Variants in ATP13A1 observed in about 807,000 individuals in gnomAD.
The protein encoded by ATP13A1 is ATPase 13A1.
In ATP13A1, 55 loss-of-function variants were observed where a neutral mutation model predicts 134.8. The ratio of observed to expected loss-of-function variants is 0.41; its 90% CI spans 0.33 to 0.51. The LOEUF is 0.51. Among genes scored for constraint, ATP13A1 ranks in the 20% least tolerant of loss-of-function variants. The pLI, the probability that ATP13A1 is intolerant of heterozygous loss-of-function variation, is 0.29. For missense variants in ATP13A1, 1,389 were observed against 1,652.8 expected (o/e 0.84, Z 2.77); for synonymous variants, 775 against 725.1 (o/e 1.07, Z -1.10).
At chr19:19,649,381 GCT>G (rs768285270) in intron 19 of ATP13A1, among the ~76,000 whole-genome samples, 184 bp downstream of exon 19, 18 of 152,154 alleles carry the variant, frequency 1.2e-4, no homozygotes, top group Non-Finnish European at 2.1e-4. Context: ...CCTCCGCCCT[GCT>G]CTGTTCCTGG....
chr19:19,647,544 C>T lies in ATP13A1; in HGVS notation c.2794-16G>A. 1 of 1,612,140 alleles carries T rather than the reference C, an allele frequency of 6.2e-7. No individual in the cohort carries two copies. The highest frequency in any genetic ancestry group is 8.5e-7 in the Non-Finnish European group (1 of 1,178,968). ...TCAGGCGGTCCTGCAGGGTAGACAG[C>T]AGGCTGTCAGCCCTGGCCAGGATGG... On this transcript the variant is annotated splice_polypyrimidine_tract_variant and intron_variant, in intron 20 of 25. Coordinates refer to ENST00000357324, the MANE Select transcript of ATP13A1 (RefSeq NM_020410.3). This position sits in a 1 kb window ranked among gnomAD's most constrained non-coding sequence, Gnocchi z 4.8.
chr19:19,652,770 A>T (rs774619676), intron 15 of ATP13A1, 50 bp from the exon 16 acceptor site: 7 of 1,558,364 alleles, frequency 4.5e-6, no homozygotes, highest in Non-Finnish European at 6.1e-6. Flanking sequence ...CTCTGCCCAC[A>T]CTCTGCATTT....
chr19:19,662,979 C>G, intron 1 of ATP13A1: 1 of 565,354 alleles, frequency 1.8e-6, no homozygotes, highest in East Asian at 3.3e-5. Context: ...CTGACCTGGG[C>G]GACGTATGCT....
At position 19,654,402 on chromosome 19, in the gene ATP13A1, G is replaced by A. The variant is rs1224001629; in HGVS notation, c.1813+141C>T. On this transcript the variant is annotated intron_variant, in intron 13 of 25. Transcript: ENST00000357324. ...GTGGCCTATCCTGGGTCTAAAGTGA[G>A]CCTCTGGCCACCCACCTCGGGGAGC... The A allele has an allele frequency of 3.5e-6, 4 of 1,153,628 alleles. No individual in the cohort carries two copies. In the African/African-American group the frequency reaches 6.3e-5, roughly 18 times the overall value. The allele number at this position is 1,153,628 out of a possible 1,614,324, so 71.5% of individuals were successfully genotyped here.
intron 1 of ATP13A1, chr19:19,662,214 T>G (rs2062099317): frequency 6.5e-7 from 1 of 1,528,608 alleles, no homozygotes; most frequent in Non-Finnish European, 8.8e-7. Flanking sequence ...CTCCTTTATT[T>G]TGTCCCTCAT....
At position 19,647,183 on chromosome 19, in the gene ATP13A1, G is replaced by A. The variant is rs766319969; in HGVS notation, c.3051C>T (p.Ala1017=). The part of the protein sequence containing the change: ...LEGVKFSDFQ[A]TLQGLLLAGC... ...CGGCCAGCAGCAGCCCCTGTAGGGT[G>A]GCCTGGAAGTCACTGAACTTGACTC... The change falls in exon 22 of 26, where the codon GCC becomes GCT. Residue 1017 remains alanine (A), a synonymous_variant. Transcript: ENST00000357324. The surrounding 1 kb of genome is among the most constrained non-coding windows in gnomAD (Gnocchi z 4.8). The A allele has an allele frequency of 7.4e-6, 12 of 1,613,758 alleles. No individual in the cohort carries two copies. In the South Asian group the frequency reaches 1.3e-4, roughly 18 times the overall value.
chr19:19,655,030 C>A lies in ATP13A1; in HGVS notation c.1655+89G>T. 6.4e-7 allele frequency: 1 copy of A among 1,553,042 alleles called. No individual in the cohort carries two copies. Among genetic ancestry groups the A allele is most frequent in the Non-Finnish European group, 8.7e-7 (1 of 1,151,686 alleles). On this transcript the variant is annotated intron_variant, in intron 12 of 25. Transcript: ENST00000357324. The surrounding 1 kb of genome is among the most constrained non-coding windows in gnomAD (Gnocchi z 5.7). The stretch of plus-strand genomic sequence containing the variant: ...CAGGGCCTCTGACGGGCCCTCACTG[C>A]AAGGGCTTGGGGTGGATGGGCCACC...
Position 19,655,682 on chromosome 19 carries a change from G to T in ATP13A1, c.1270-28C>A, listed in dbSNP as rs1470426387. Reference sequence around the variant, plus strand: ...GGAGGAATGGAGGAACAGCCTTTCTGCTGTCTGGACTCCCTCCAGCAGCTC... The same window carrying T: ...GGAGGAATGGAGGAACAGCCTTTCTTCTGTCTGGACTCCCTCCAGCAGCTC... On this transcript the variant is annotated intron_variant, in intron 9 of 25. Coordinates refer to ENST00000357324, the MANE Select transcript of ATP13A1 (RefSeq NM_020410.3). The surrounding 1 kb of genome is among the most constrained non-coding windows in gnomAD (Gnocchi z 5.7). 6.2e-7 allele frequency: 1 copy of T among 1,605,110 alleles called. No individual in the cohort carries two copies. The highest frequency in any genetic ancestry group is 8.5e-7 in the Non-Finnish European group (1 of 1,176,014).
At chr19:19,661,128 A>G (rs557196773) in intron 1 of ATP13A1, among the ~76,000 whole-genome samples, 1 of 152,242 alleles carries the variant, frequency 6.6e-6, no homozygotes, top group East Asian at 1.9e-4. Flanking sequence ...CAAAACAAAA[A>G]CAAAAACAAC....
rs185315737 is a variant in ATP13A1, at chr19:19,646,929, C to T, written c.3105+200G>A. On this transcript the variant is annotated intron_variant, in intron 22 of 25. Coordinates refer to ENST00000357324, the MANE Select transcript of ATP13A1 (RefSeq NM_020410.3). ...ACCCCTACCTGTGGACAGGTGTGGACGCCAAGCTGTACCACCTGGAGGGGT... is the reference window on the plus strand; with the variant it reads ...ACCCCTACCTGTGGACAGGTGTGGATGCCAAGCTGTACCACCTGGAGGGGT... The T allele has an allele frequency of 4.9e-5, 30 of 612,808 alleles. 1 individual carries two copies. The highest frequency in any genetic ancestry group is 1.9e-4 in the South Asian group (9 of 48,444). The allele number at this position is 612,808 out of a possible 1,614,324, so 38.0% of individuals were successfully genotyped here.
chr19:19,650,276 C>G (rs1568426386), intron 17 of ATP13A1: 1 of 379,902 alleles, frequency 2.6e-6, no homozygotes, highest in Admixed American at 4.3e-5. Flanking sequence ...CTATTGCGCT[C>G]TCCTTGGGAA....
chr19:19,663,328 G>C lies in ATP13A1; in HGVS notation c.339C>G (p.Leu113=). 6.3e-7 allele frequency: 1 copy of C among 1,592,210 alleles called. No individual in the cohort carries two copies. The highest frequency in any genetic ancestry group is 8.5e-7 in the Non-Finnish European group (1 of 1,170,578). ...VLATICLAHA[L]TVLSGHWSVH... is the part of the protein sequence containing the mutation. ...CAGACCAATGCCCCGAGAGGACAGT[G>C]AGCGCGTGCGCGAGGCAGATGGTGG... The change falls in exon 1 of 26, where the codon CTC becomes CTG. Residue 113 remains leucine (L), a synonymous_variant. Coordinates refer to ENST00000357324, the MANE Select transcript of ATP13A1 (RefSeq NM_020410.3).
intron 13 of ATP13A1, 140 bp from the exon 14 acceptor site, chr19:19,654,284 G>C (rs2062043257): frequency 1.9e-6 from 2 of 1,060,328 alleles, no homozygotes; most frequent in Admixed American, 2.7e-5. Flanking sequence ...GCAGGTGTTG[G>C]TCCAGAGCTG....
rs1239211192 is a variant in ATP13A1, at chr19:19,663,265, A to C, written c.396+6T>G. 6.3e-7 allele frequency: 1 copy of C among 1,575,030 alleles called. No individual in the cohort carries two copies. Among genetic ancestry groups the C allele is most frequent in the Non-Finnish European group, 8.6e-7 (1 of 1,161,988 alleles). ...CTGGGGGTCGGGCTCGCGTGTACAC[A>C]CTTACCGGGGTGCAGGTGAGCGCGC... is the stretch of plus-strand genomic sequence containing the variant. On this transcript the variant is annotated splice_donor_region_variant and intron_variant, in intron 1 of 25. Transcript: ENST00000357324.
In ATP13A1 at chr19:19,651,735, G is replaced by C; in HGVS notation, c.2289C>G (p.Phe763Leu). The stretch of plus-strand genomic sequence containing the variant: ...GGATCAGCGTGTGGGCCTTTTCAAT[G>C]AAGTGCAGCTCCTGGGCCACGTGGC... ...TACHVAQELH[F>L]IEKAHTLILQ... Residue 763 changes from phenylalanine to leucine, a missense_variant, in exon 17 of 26, where the codon TTC (phenylalanine) becomes TTG (leucine). This residue lies in a region of ATP13A1 where 747 missense variants were observed against 956.1 expected (regional missense o/e 0.78). Transcript: ENST00000357324. 6.2e-7 allele frequency: 1 copy of C among 1,613,478 alleles called. No individual in the cohort carries two copies. The highest frequency in any genetic ancestry group is 8.5e-7 in the Non-Finnish European group (1 of 1,179,676).
At position 19,654,126 on chromosome 19, in the gene ATP13A1, C is replaced by A. The variant is rs868244680; in HGVS notation, c.1832G>T (p.Arg611Leu). The change falls in exon 14 of 26, where the codon CGA becomes CTA. Residue 611 changes from arginine (R) to leucine (L), a missense_variant. Physicochemically the swap from Arg to Leu is moderately radical, Grantham distance 102 (BLOSUM62 -2). Coordinates refer to ENST00000357324, the MANE Select transcript of ATP13A1 (RefSeq NM_020410.3). ...TTTCAGCCCCTGAGTTTTAATACTTCGGGGGAATACTTTCTCATCTGGAAA... is the reference window on the plus strand; with the variant it reads ...TTTCAGCCCCTGAGTTTTAATACTTAGGGGGAATACTTTCTCATCTGGAAA... ...TLTKDEKVFPRSIKTQGLKIH... is the reference protein window; with the variant it reads ...TLTKDEKVFPLSIKTQGLKIH... 6.3e-7 allele frequency: 1 copy of A among 1,588,422 alleles called. No homozygotes were observed. The highest frequency in any genetic ancestry group is 8.6e-7 in the Non-Finnish European group (1 of 1,167,498).
chr19:19,659,981 C>G lies in ATP13A1; in HGVS notation c.403G>C (p.Asp135His), dbSNP rs200481862. The change falls in exon 2 of 26, where the codon GAC (aspartate) becomes CAC (histidine). Residue 135 changes from aspartate to histidine, a missense_variant. By Grantham distance (81) the Asp-to-His change is moderately conservative (BLOSUM62 -1). This residue lies in a region of ATP13A1 where 293 missense variants were observed against 270.8 expected (regional missense o/e 1.08). Coordinates refer to ENST00000357324, the MANE Select transcript of ATP13A1 (RefSeq NM_020410.3). ...HCALTCTPEYDPSKATFVKVV... is the reference protein window; with the variant it reads ...HCALTCTPEYHPSKATFVKVV... Reference sequence around the variant, plus strand: ...TTCACAAAGGTCGCTTTGCTGGGGTCGTACTCCTGACAGAGACAAAGAAAG... The same window carrying G: ...TTCACAAAGGTCGCTTTGCTGGGGTGGTACTCCTGACAGAGACAAAGAAAG... The G allele has an allele frequency of 5.7e-6, 9 of 1,568,356 alleles. No homozygotes were observed. Among genetic ancestry groups the G allele is most frequent in the Non-Finnish European group, 7.8e-6 (9 of 1,158,124 alleles).
rs199890912 is a variant in ATP13A1, at chr19:19,655,498, G to A, written c.1396+30C>T. The A allele has an allele frequency of 2.8e-5, 45 of 1,613,988 alleles. No homozygotes were observed. In the African/African-American group the frequency reaches 4.5e-4, roughly 16 times the overall value. On this transcript the variant is annotated intron_variant, in intron 10 of 25. Transcript: ENST00000357324. This position sits in a 1 kb window ranked among gnomAD's most constrained non-coding sequence, Gnocchi z 5.7. The stretch of plus-strand genomic sequence containing the variant: ...CAACCTGGAGCCTCGGAGGGTGGGC[G>A]CAGGGGACCACAGAGGCCGTGGCGC...
Position 19,651,808 on chromosome 19 carries a change from GA to G in ATP13A1, c.2227-12del, listed in dbSNP as rs1568426882. 2 of 1,604,974 alleles carry G rather than the reference GA, an allele frequency of 1.2e-6. No individual in the cohort carries two copies. Among genetic ancestry groups the G allele is most frequent in the South Asian group, 1.1e-5 (1 of 90,458 alleles). Reference sequence around the variant, plus strand: ...CGTGATCATGACCACCTTGGGTAAAGAGGGGCAGAGGCTCAGCATGGCACCC... The same window carrying G: ...CGTGATCATGACCACCTTGGGTAAAGGGGGCAGAGGCTCAGCATGGCACCC... On this transcript the variant is annotated splice_polypyrimidine_tract_variant and intron_variant, in intron 16 of 25. Transcript: ENST00000357324.
Sources: allele counts gnomAD v4.1 joint callset (sites outside exome capture counted in the v4.1 genomes callset), GRCh38; gene constraint gnomAD v4.1.1; regional missense constraint gnomAD v4.1.1; non-coding constraint Gnocchi (gnomAD v3.1); transcripts MANE v1.5; gene names NCBI Gene and HGNC (gene_info 2026-07-23, HGNC 2026-07-21).